The following DTWD2 variants were observed in gnomAD, a reference collection of about 807,000 sequenced individuals.
The protein encoded by DTWD2 is tRNA-uridine aminocarboxypropyltransferase 2.
A neutral mutation model predicts 31.8 loss-of-function variants in DTWD2; 39 were observed. The ratio of observed to expected loss-of-function variants is 1.22; its 90% CI spans 0.95 to 1.60. The LOEUF (loss-of-function observed/expected upper bound fraction) is 1.60. Ranked by LOEUF, DTWD2 falls within the 40% of genes most tolerant of loss-of-function variation. The pLI is 0.00. For synonymous variants in DTWD2, 180 were observed against 142.8 expected (o/e 1.26, Z -1.86); for missense variants, 515 against 381.5 (o/e 1.35, Z -2.92).
chr5:118,899,994 G>C lies in DTWD2; in HGVS notation c.597+28543C>G, dbSNP rs558398677. Among the ~76,000 whole-genome samples the C allele has an allele frequency of 1.6e-4, 24 of 151,884 alleles. No homozygotes were observed. The East Asian group carries it at 4.1e-3, about 26-fold the overall frequency. On this transcript the variant is annotated intron_variant, in intron 4 of 5. Transcript: ENST00000510708. The stretch of plus-strand genomic sequence containing the variant: ...TTTTTATACTTTTTGGTAGAGAGGG[G>C]ATTTCACTATGTTGACCAAGTTACC...
chr5:118,880,470 AC>A (rs1331404153), intron 4 of DTWD2, among the ~76,000 whole-genome samples: 1 of 151,990 alleles, frequency 6.6e-6, no homozygotes. Flanking sequence ...GCACAACAAA[AC>A]CGTTATTATA....
intron 4 of DTWD2, among the ~76,000 whole-genome samples, chr5:118,861,230 G>C (rs1288082342): frequency 1.3e-5 from 2 of 152,162 alleles, no homozygotes; most frequent in Admixed American, 6.5e-5. Context: ...GGTTCACCTG[G>C]AAGTTACTTA....
chr5:118,978,509 G>A (rs1338762062), intron 1 of DTWD2, among the ~76,000 whole-genome samples: 1 of 152,032 alleles, frequency 6.6e-6, no homozygotes, highest in African/African-American at 2.4e-5. Flanking sequence ...GAGTCCACAA[G>A]GAATTTTAAA....
Position 118,945,774 on chromosome 5 carries a change from A to AAAAGAAAG in DTWD2, c.219-1133_219-1126dup, listed in dbSNP as rs56103316. Among the ~76,000 whole-genome samples the AAAAGAAAG allele has an allele frequency of 2.1e-3, 278 of 134,298 alleles. 2 individuals are homozygous for AAAAGAAAG. Among genetic ancestry groups the AAAAGAAAG allele is most frequent in the East Asian group, 6.0e-3 (27 of 4,496 alleles). The allele number at this position is 134,298 out of a possible 152,430, so 88.1% of individuals were successfully genotyped here. A position where few individuals can be genotyped will look rare whatever the true frequency, so the allele number is the denominator to read the frequency against. On this transcript the variant is annotated intron_variant, in intron 1 of 5. Coordinates refer to ENST00000510708, the MANE Select transcript of DTWD2 (RefSeq NM_173666.4). ...AGCGAGACTCCAACTCAAAAAAAAA[A>AAAAGAAAG]AAAGAAAGAAAGAAAGAAAGAAAGA... is the stretch of plus-strand genomic sequence containing the variant.
intron 4 of DTWD2, among the ~76,000 whole-genome samples, chr5:118,874,706 G>C (rs917382241): frequency 6.6e-6 from 1 of 152,150 alleles, no homozygotes; most frequent in Non-Finnish European, 1.5e-5. Context: ...AAAAATATGG[G>C]ATTACAAAAA....
chr5:118,895,500 G>GA (rs1181046238), intron 4 of DTWD2, among the ~76,000 whole-genome samples: 2 of 152,126 alleles, frequency 1.3e-5, no homozygotes, highest in African/African-American at 4.8e-5. Context: ...CACAGAAACA[G>GA]AAAAAGGAAA....
intron 4 of DTWD2, among the ~76,000 whole-genome samples, chr5:118,902,664 C>T (rs1385738651): frequency 6.6e-6 from 1 of 151,958 alleles, no homozygotes; most frequent in Non-Finnish European, 1.5e-5. Flanking sequence ...TGCAAACACC[C>T]ATCTGGAAAA....
At chr5:118,850,836 C>T (rs1246456554) in intron 4 of DTWD2, among the ~76,000 whole-genome samples, 1 of 151,922 alleles carries the variant, frequency 6.6e-6, no homozygotes, top group Non-Finnish European at 1.5e-5. Flanking sequence ...ACAAAGAACC[C>T]CATTAAAATG....
intron 4 of DTWD2, among the ~76,000 whole-genome samples, chr5:118,881,799 A>G (rs1752748195): frequency 1.3e-5 from 2 of 152,292 alleles, no homozygotes; most frequent in South Asian, 4.1e-4. Context: ...ATGGCAAGAG[A>G]AAAACCAGCC....
intron 1 of DTWD2, among the ~76,000 whole-genome samples, chr5:118,964,792 A>G (rs1754792292): frequency 4.0e-5 from 6 of 151,776 alleles, no homozygotes; most frequent in Admixed American, 3.9e-4. Flanking sequence ...GCTCGCTACA[A>G]CCTCCACCTC....
intron 4 of DTWD2, 52 bp downstream of exon 4, chr5:118,928,485 A>C: frequency 1.6e-6 from 2 of 1,277,502 alleles, no homozygotes; most frequent in Non-Finnish European, 2.0e-6. Context: ...AACATACACA[A>C]TATACCTAAT....
At chr5:118,910,233 C>T (rs1410192882) in intron 4 of DTWD2, among the ~76,000 whole-genome samples, 1 of 152,168 alleles carries the variant, frequency 6.6e-6, no homozygotes, top group Non-Finnish European at 1.5e-5. Context: ...TTACTATAAG[C>T]ATTTAAGAGA....
intron 4 of DTWD2, 32 bp from the exon 5 acceptor site, chr5:118,848,250 T>G: frequency 6.5e-7 from 1 of 1,536,290 alleles, no homozygotes; most frequent in Non-Finnish European, 8.7e-7. Context: ...AACATAATTT[T>G]TGTTTTAAAT....
At chr5:118,963,216 A>G (rs1263834643) in intron 1 of DTWD2, among the ~76,000 whole-genome samples, 1 of 152,264 alleles carries the variant, frequency 6.6e-6, no homozygotes, top group Non-Finnish European at 1.5e-5. Context: ...GTGAGGAGTT[A>G]GAAGAAGAAA....
intron 4 of DTWD2, among the ~76,000 whole-genome samples, chr5:118,917,291 T>C (rs1753599189): frequency 1.3e-5 from 2 of 152,136 alleles, no homozygotes; most frequent in South Asian, 4.2e-4. Flanking sequence ...AAGGACATCT[T>C]ACAAAAAGAG....
chr5:118,948,913 T>C (rs555047022), intron 1 of DTWD2, among the ~76,000 whole-genome samples: 80 of 152,244 alleles, frequency 5.3e-4, no homozygotes, highest in Admixed American at 1.8e-3. Flanking sequence ...AAGGTGAAAG[T>C]ACCTAACCAT....
chr5:118,917,687 A>G (rs1467793424), intron 4 of DTWD2, among the ~76,000 whole-genome samples: 1 of 152,124 alleles, frequency 6.6e-6, no homozygotes, highest in Non-Finnish European at 1.5e-5. Flanking sequence ...AAATCATCCA[A>G]TTGGCCGGGC....
At chr5:118,870,608 T>C (rs1752479991) in intron 4 of DTWD2, among the ~76,000 whole-genome samples, 1 of 152,246 alleles carries the variant, frequency 6.6e-6, no homozygotes, top group African/African-American at 2.4e-5. Flanking sequence ...AAAAAATGCT[T>C]ACACTCATCT....
chr5:118,882,256 G>A (rs1276592465), intron 4 of DTWD2, among the ~76,000 whole-genome samples: 1 of 152,212 alleles, frequency 6.6e-6, no homozygotes, highest in Non-Finnish European at 1.5e-5. Flanking sequence ...GGTCTCACAT[G>A]CAGGGCAAGT....
Sources: gnomAD v4.1 joint callset for allele counts (sites outside exome capture counted in the v4.1 genomes callset) on GRCh38, gnomAD v4.1.1 for gene constraint, MANE v1.5 for transcripts, NCBI Gene and HGNC (gene_info 2026-07-23, HGNC 2026-07-21) for gene names.